GXYLT2: variants seen among roughly 807,000 people sequenced by gnomAD.
GXYLT2 encodes the protein glycosyltransferase 8 domain containing 4.
Under a neutral mutation model 45.8 loss-of-function variants are expected in GXYLT2, and 53 were observed. The ratio of observed to expected loss-of-function variants is 1.16; its 90% CI spans 0.93 to 1.46. The LOEUF (loss-of-function observed/expected upper bound fraction) is 1.46. Among genes scored for constraint, GXYLT2 ranks in the 40% most tolerant of loss-of-function variants. The pLI is 0.00. For missense variants in GXYLT2, 551 were observed against 544.4 expected (o/e 1.01, Z -0.12); for synonymous variants, 219 against 214.2 (o/e 1.02, Z -0.19).
intron 2 of GXYLT2, among the ~76,000 whole-genome samples, chr3:72,911,165 G>A (rs1344764420): frequency 2.0e-5 from 3 of 152,074 alleles, no homozygotes; most frequent in South Asian, 2.1e-4. Flanking sequence ...AGTGGAGTGC[G>A]CCATAGTCCC....
intron 3 of GXYLT2, among the ~76,000 whole-genome samples, chr3:72,923,621 T>C (rs1416776853): frequency 1.3e-5 from 2 of 152,198 alleles, no homozygotes; most frequent in Non-Finnish European, 2.9e-5. Flanking sequence ...GGCTCAGTGA[T>C]GATGACATGG....
intron 2 of GXYLT2, among the ~76,000 whole-genome samples, chr3:72,915,844 A>G (rs559627590): frequency 2.6e-5 from 4 of 151,898 alleles, no homozygotes; most frequent in Non-Finnish European, 4.4e-5. Context: ...AAAAAAAAAA[A>G]AGAGAGATTG....
At chr3:72,949,397 G>A (rs1710471744) in intron 3 of GXYLT2, among the ~76,000 whole-genome samples, 1 of 151,278 alleles carries the variant, frequency 6.6e-6, no homozygotes, top group African/African-American at 2.4e-5. Context: ...TCTGCTTTGT[G>A]CTTCTGTGCT....
rs186737956 is a variant in GXYLT2 at position 72,933,109 on chromosome 3, A to G, written c.600+10774A>G. 3.0e-3 allele frequency among the ~76,000 whole-genome samples: 447 copies of G among 150,438 alleles called. 2 individuals are homozygous for G. The highest frequency in any genetic ancestry group is 5.9e-3 in the Admixed American group (90 of 15,204). ...ATAGAAAGTGTTAGATACTATTTTT[A>G]TTATTATACCTATTTTTTTAGGACT... On this transcript the variant is annotated intron_variant, in intron 3 of 6. Coordinates refer to ENST00000389617, the MANE Select transcript of GXYLT2 (RefSeq NM_001080393.2).
rs1259682601 is a variant in GXYLT2, at chr3:72,966,971, G to T, written c.977-576G>T. Among the ~76,000 whole-genome samples the T allele has an allele frequency of 2.0e-5, 3 of 152,070 alleles. No homozygotes were observed. In the East Asian group the frequency reaches 5.8e-4, roughly 29 times the overall value. ...TGTATGGAGACAGGGGTCTTGCTATGTTGCCCAAGCTGTTCTCAAACTCCT... is the reference window on the plus strand; with the variant it reads ...TGTATGGAGACAGGGGTCTTGCTATTTTGCCCAAGCTGTTCTCAAACTCCT... On this transcript the variant is annotated intron_variant, in intron 5 of 6. Transcript: ENST00000389617.
Position 72,953,904 on chromosome 3 carries a change from G to T in GXYLT2, c.601-1194G>T, listed in dbSNP as rs944382283. ...AGTCCAGGAGTTTAAGACCAGCCCA[G>T]ACAACATAACAACACCTCGTCTCCA... On this transcript the variant is annotated intron_variant, in intron 3 of 6. Coordinates refer to ENST00000389617, the MANE Select transcript of GXYLT2 (RefSeq NM_001080393.2). Among the ~76,000 whole-genome samples, 5 of 152,142 alleles carry T rather than the reference G, an allele frequency of 3.3e-5. No individual in the cohort carries two copies. The East Asian group carries it at 5.8e-4, about 18-fold the overall frequency.
At chr3:72,906,988 C>T (rs1709523470) in intron 1 of GXYLT2, among the ~76,000 whole-genome samples, 1 of 152,110 alleles carries the variant, frequency 6.6e-6, no homozygotes. Context: ...CTGGCACCAA[C>T]CAGGAGAAAG....
At chr3:72,938,503 A>G (rs896261359) in intron 3 of GXYLT2, among the ~76,000 whole-genome samples, 3 of 152,264 alleles carry the variant, frequency 2.0e-5, no homozygotes, top group Admixed American at 1.3e-4. Context: ...TCCTGTTTTC[A>G]GCAACACATT....
At chr3:72,970,320 C>T (rs1473089845) in intron 6 of GXYLT2, among the ~76,000 whole-genome samples, 1 of 151,620 alleles carries the variant, frequency 6.6e-6, no homozygotes, top group East Asian at 1.9e-4. Flanking sequence ...TACTACACTC[C>T]AGCCTGAGTG....
intron 3 of GXYLT2, among the ~76,000 whole-genome samples, chr3:72,934,421 A>G (rs991474790): frequency 1.3e-5 from 2 of 152,148 alleles, no homozygotes; most frequent in African/African-American, 4.8e-5. Flanking sequence ...AATATATTCT[A>G]GGACAACCAG....
intron 4 of GXYLT2, among the ~76,000 whole-genome samples, chr3:72,956,598 G>C (rs1463743522): frequency 6.6e-6 from 1 of 152,124 alleles, no homozygotes; most frequent in Non-Finnish European, 1.5e-5. Context: ...GACTGCTGTT[G>C]AGAAAGACTT....
At chr3:72,897,498 A>C (rs962369110) in intron 1 of GXYLT2, among the ~76,000 whole-genome samples, 1 of 152,206 alleles carries the variant, frequency 6.6e-6, no homozygotes, top group African/African-American at 2.4e-5. Flanking sequence ...ACCGATGGCT[A>C]CAAGTGAAAT....
At chr3:72,908,244 TA>T (rs1159067000) in intron 1 of GXYLT2, 122 bp from the exon 2 acceptor site, 15 of 660,278 alleles carry the variant, frequency 2.3e-5, no homozygotes, top group Non-Finnish European at 3.8e-5. Flanking sequence ...TATCACTTTA[TA>T]AAATATAACA....
chr3:72,944,805 C>G (rs1459980932), intron 3 of GXYLT2, among the ~76,000 whole-genome samples: 4 of 152,024 alleles, frequency 2.6e-5, no homozygotes, highest in African/African-American at 9.7e-5. Context: ...CTTTCTAGCC[C>G]TTTAGTTTGC....
intron 5 of GXYLT2, among the ~76,000 whole-genome samples, chr3:72,963,519 T>C (rs1710806819): frequency 1.3e-5 from 2 of 151,218 alleles, no homozygotes; most frequent in Admixed American, 6.6e-5. Flanking sequence ...TTTTTTTTTT[T>C]TGAGACAGAG....
chr3:72,963,215 AATGATC>A (rs1223947950), intron 5 of GXYLT2, among the ~76,000 whole-genome samples: 8 of 152,172 alleles, frequency 5.3e-5, no homozygotes, highest in Non-Finnish European at 7.3e-5. Flanking sequence ...ATGAAGTTAA[AATGATC>A]AGGCATAAAC....
In GXYLT2 at chr3:72,888,548, T is replaced by G. The variant is rs146974723; in HGVS notation, c.275+40T>G. On this transcript the variant is annotated intron_variant, in intron 1 of 6. Transcript: ENST00000389617. ...CCCCAGAATCCCATCTGCGGACCCG[T>G]GTCTCGCTCCCTACACCCGTGCCAA... The G allele has an allele frequency of 1.1e-4, 128 of 1,170,694 alleles. No homozygotes were observed. In the African/African-American group the frequency reaches 2.0e-3, roughly 18 times the overall value. The allele number at this position is 1,170,694 out of a possible 1,614,324, so 72.5% of individuals were successfully genotyped here.
chr3:72,963,166 T>TG (rs1710799509), intron 5 of GXYLT2, among the ~76,000 whole-genome samples: 2 of 151,098 alleles, frequency 1.3e-5, no homozygotes, highest in South Asian at 4.2e-4. Context: ...TAAAAATACA[T>TG]AAAAAATAAA....
chr3:72,955,284 T>G lies in GXYLT2; in HGVS notation c.787T>G (p.Ser263Ala). 3.1e-6 allele frequency: 5 copies of G among 1,613,998 alleles called. No homozygotes were observed. The highest frequency in any genetic ancestry group is 4.2e-6 in the Non-Finnish European group (5 of 1,179,882). The change falls in exon 4 of 7, where the codon TCT becomes GCT. Residue 263 changes from serine (S) to alanine (A), a missense_variant. Transcript: ENST00000389617. ...CTTTGCTAGGCATCCTTTCTATGGCTCTGCAGGAGTTAATTCAGGAGTCAT... is the reference window on the plus strand; with the variant it reads ...CTTTGCTAGGCATCCTTTCTATGGCGCTGCAGGAGTTAATTCAGGAGTCAT... Reference protein sequence around the residue: ...SRFARHPFYGSAGVNSGVMLM... With the variant: ...SRFARHPFYGAAGVNSGVMLM...
Sources: gnomAD v4.1 joint callset for allele counts (sites outside exome capture counted in the v4.1 genomes callset) on GRCh38, gnomAD v4.1.1 for gene constraint, MANE v1.5 for transcripts, NCBI Gene and HGNC (gene_info 2026-07-23, HGNC 2026-07-21) for gene names.